The following SHANK2 variants were observed in gnomAD, a reference collection of about 807,000 sequenced individuals.
SHANK2 encodes the protein SH3 and multiple ankyrin repeat domains 2, also known as SH3 and multiple ankyrin repeat domains protein 2.
A neutral mutation model predicts 133.7 loss-of-function variants in SHANK2; 43 were observed. The observed-to-expected ratio is 0.32, with a 90% confidence interval of 0.25 to 0.41. The LOEUF (loss-of-function observed/expected upper bound fraction) is 0.41. SHANK2 is among the 10% of genes least tolerant of loss of function. SHANK2 has a pLI of 1.00. For synonymous variants in SHANK2, 1,017 were observed against 952.8 expected, an observed-to-expected ratio of 1.07 and a Z score of -1.24; for missense variants, 1,994 against 2,235.8, an observed-to-expected ratio of 0.89 and a Z score of 2.18.
intron 10 of SHANK2, among the ~76,000 whole-genome samples, chr11:70,913,908 T>C (rs1276810222): frequency 6.6e-6 from 1 of 152,244 alleles, no homozygotes; most frequent in Non-Finnish European, 1.5e-5. Flanking sequence ...ATCATCTCAT[T>C]GTTCAGGTAA....
intron 2 of SHANK2, among the ~76,000 whole-genome samples, chr11:71,148,531 G>A (rs1276415508): frequency 6.6e-6 from 1 of 152,240 alleles, no homozygotes; most frequent in African/African-American, 2.4e-5. Flanking sequence ...GGCAGGGACT[G>A]GGGGAGGAGG....
intron 3 of SHANK2, among the ~76,000 whole-genome samples, chr11:71,129,008 C>T (rs1377011156): frequency 6.6e-6 from 1 of 152,244 alleles, no homozygotes; most frequent in African/African-American, 2.4e-5. Context: ...TGGTCTTGAT[C>T]TCTTGACTCC....
intron 17 of SHANK2, among the ~76,000 whole-genome samples, chr11:70,583,334 C>T (rs1454719598): frequency 6.6e-6 from 1 of 152,066 alleles, no homozygotes; most frequent in Non-Finnish European, 1.5e-5. Context: ...GGGTACAGGG[C>T]CAGGATAGAG....
chr11:71,241,272 C>A (rs921219815), intron 1 of SHANK2, among the ~76,000 whole-genome samples: 1 of 152,172 alleles, frequency 6.6e-6, no homozygotes, highest in Non-Finnish European at 1.5e-5. Flanking sequence ...GAATAAAATG[C>A]GGTTAACCAT....
At chr11:70,474,896 TG>T (rs1555149854) in intron 25 of SHANK2, 1 of 152,256 alleles carries the variant, frequency 6.6e-6, no homozygotes, top group Non-Finnish European at 1.5e-5. Flanking sequence ...CTCCCTCCTA[TG>T]TGGTGGGTTA....
rs566777721 is a variant in SHANK2, at chr11:70,739,336, C to T, written c.1778-40573G>A. Reference sequence around the variant, plus strand: ...CACATCTCCACACATCTCCACCTCCCCACAGAAGGGAGGAGGCCAGGAGGT... The same window carrying T: ...CACATCTCCACACATCTCCACCTCCTCACAGAAGGGAGGAGGCCAGGAGGT... On this transcript the variant is annotated intron_variant, in intron 14 of 25. Coordinates refer to ENST00000601538, the MANE Select transcript of SHANK2 (RefSeq NM_012309.5). The surrounding 1 kb of genome is among the most constrained non-coding windows in gnomAD (Gnocchi z 4.3). Among the ~76,000 whole-genome samples the T allele has an allele frequency of 1.2e-4, 19 of 152,346 alleles. No individual in the cohort carries two copies. Among genetic ancestry groups the T allele is most frequent in the African/African-American group, 4.3e-4 (18 of 41,572 alleles).
intron 17 of SHANK2, among the ~76,000 whole-genome samples, chr11:70,555,087 T>G (rs760052910): frequency 6.6e-6 from 1 of 152,082 alleles, no homozygotes; most frequent in Non-Finnish European, 1.5e-5. Context: ...GATGCTACTA[T>G]TGGATTTTTT....
At chr11:71,192,060 C>A (rs1050592168) in intron 2 of SHANK2, among the ~76,000 whole-genome samples, 1 of 151,990 alleles carries the variant, frequency 6.6e-6, no homozygotes, top group Non-Finnish European at 1.5e-5. Context: ...GGGGTTTCAC[C>A]GTGTCGACCA....
In SHANK2 at chr11:70,596,934, A is replaced by G. The variant is rs534460049; in HGVS notation, c.2061+62894T>C. Among the ~76,000 whole-genome samples the G allele has an allele frequency of 1.1e-4, 16 of 152,258 alleles. No homozygotes were observed. The East Asian group carries it at 1.9e-3, about 18-fold the overall frequency. ...CCATGACTGAGGTCTCCTATGGTCT[A>G]TATCTATTTTGCAAGCGCAGACATC... On this transcript the variant is annotated intron_variant, in intron 17 of 25. Coordinates refer to ENST00000601538, the MANE Select transcript of SHANK2 (RefSeq NM_012309.5).
intron 2 of SHANK2, among the ~76,000 whole-genome samples, chr11:71,163,197 C>G (rs1292352371): frequency 4.2e-5 from 6 of 144,414 alleles, no homozygotes. Context: ...TTGTGTTTGT[C>G]TACTTTTCTG....
At chr11:70,747,307 G>A (rs1555036437) in intron 14 of SHANK2, among the ~76,000 whole-genome samples, 1 of 152,116 alleles carries the variant, frequency 6.6e-6, no homozygotes, top group Non-Finnish European at 1.5e-5. Flanking sequence ...TCCAGAACTA[G>A]CCCTGGGCAG....
intron 8 of SHANK2, among the ~76,000 whole-genome samples, chr11:71,077,683 G>A (rs1951239827): frequency 6.6e-6 from 1 of 152,026 alleles, no homozygotes; most frequent in Non-Finnish European, 1.5e-5. Flanking sequence ...GCTCACACCT[G>A]CTGAGGAAGA....
Position 70,735,276 on chromosome 11 carries a change from C to T in SHANK2, c.1778-36513G>A, listed in dbSNP as rs548115455. Among the ~76,000 whole-genome samples the T allele has an allele frequency of 3.9e-5, 6 of 152,326 alleles. No individual in the cohort carries two copies. In the South Asian group the frequency reaches 1.2e-3, roughly 32 times the overall value. Reference sequence around the variant, plus strand: ...GTGGAGCTGGGCAACCAGGCAGGGTCTTGGGAAGGCCTGGCTTCCCGAGAG... The same window carrying T: ...GTGGAGCTGGGCAACCAGGCAGGGTTTTGGGAAGGCCTGGCTTCCCGAGAG... On this transcript the variant is annotated intron_variant, in intron 14 of 25. Transcript: ENST00000601538.
chr11:70,868,506 G>A (rs1374182972), intron 11 of SHANK2, among the ~76,000 whole-genome samples: 1 of 152,258 alleles, frequency 6.6e-6, no homozygotes, highest in Non-Finnish European at 1.5e-5. Context: ...GGAGGCAACT[G>A]TGGCACAGAG....
intron 2 of SHANK2, among the ~76,000 whole-genome samples, chr11:71,157,834 A>G (rs1359747986): frequency 6.6e-6 from 1 of 152,158 alleles, no homozygotes; most frequent in African/African-American, 2.4e-5. Context: ...GACTTGCCCA[A>G]GGTAAAAGGC....
intron 4 of SHANK2, among the ~76,000 whole-genome samples, chr11:71,118,562 CTA>C (rs1555100810): frequency 2.7e-5 from 4 of 149,562 alleles, no homozygotes. Context: ...TGGGAAACCG[CTA>C]TGATCCAATC....
Position 71,080,885 on chromosome 11 carries a change from G to A in SHANK2, c.913-5610C>T, listed in dbSNP as rs1311479718. On this transcript the variant is annotated intron_variant, in intron 8 of 25. Transcript: ENST00000601538. Reference sequence around the variant, plus strand: ...GTCAAGGAGGCCAATGCACCTGAATGAATGCAGGAACACGGGCAGCGGACG... The same window carrying A: ...GTCAAGGAGGCCAATGCACCTGAATAAATGCAGGAACACGGGCAGCGGACG... 3.9e-5 allele frequency among the ~76,000 whole-genome samples: 6 copies of A among 152,342 alleles called. No individual in the cohort carries two copies. The South Asian group carries it at 1.2e-3, about 32-fold the overall frequency.
chr11:70,722,780 C>T (rs1946097856), intron 14 of SHANK2, among the ~76,000 whole-genome samples: 1 of 152,192 alleles, frequency 6.6e-6, no homozygotes, highest in South Asian at 2.1e-4. Context: ...TCGAAGGCTG[C>T]TGGTGACTTA....
intron 14 of SHANK2, among the ~76,000 whole-genome samples, chr11:70,718,715 A>ATTTTTTTTTT (rs1555028179): frequency 6.2e-5 from 3 of 48,380 alleles, no homozygotes; most frequent in African/African-American, 5.3e-4. Flanking sequence ...TTTTTTTTTG[A>ATTTTTTTTTT]ATTGCTGGCC....
Sources: allele counts gnomAD v4.1 joint callset (sites outside exome capture counted in the v4.1 genomes callset), GRCh38; gene constraint gnomAD v4.1.1; non-coding constraint Gnocchi (gnomAD v3.1); transcripts MANE v1.5; gene names NCBI Gene and HGNC (gene_info 2026-07-23, HGNC 2026-07-21).